The following PLAC1 variants were observed in gnomAD, a reference collection of about 807,000 sequenced individuals.
PLAC1 encodes the protein placenta-specific protein 1.
For missense variants in PLAC1, 136 were observed against 163.2 expected (o/e 0.83, Z 0.91); for synonymous variants, 68 against 62.1 (o/e 1.09, Z -0.44).
intron 2 of PLAC1, among the ~76,000 whole-genome samples, chrX:134,677,525 C>A (rs918169369): frequency 5.4e-5 from 6 of 110,893 alleles, no homozygotes; most frequent in Non-Finnish European, 7.6e-5. Flanking sequence ...CTGGAAAAAA[C>A]CATATTACCA....
At chrX:134,751,710 C>G (rs1417822081) in intron 1 of PLAC1, among the ~76,000 whole-genome samples, 1 of 111,654 alleles carries the variant, frequency 9.0e-6, no homozygotes, top group Non-Finnish European at 1.9e-5. Flanking sequence ...ATTCACTCCT[C>G]CAGGATCTTT....
chrX:134,700,403 C>T (rs1297875435), intron 2 of PLAC1, among the ~76,000 whole-genome samples: 1 of 111,712 alleles, frequency 9.0e-6, no homozygotes, highest in Non-Finnish European at 1.9e-5. Flanking sequence ...CTGTAAAATA[C>T]ATTGTATGAC....
intron 2 of PLAC1, among the ~76,000 whole-genome samples, chrX:134,706,383 A>G (rs979457941): frequency 8.9e-6 from 1 of 112,305 alleles, no homozygotes; most frequent in African/African-American, 3.2e-5. Context: ...AGGGAGCTGT[A>G]CGTCCATCTC....
intron 2 of PLAC1, among the ~76,000 whole-genome samples, chrX:134,664,541 C>T (rs1161361980): frequency 8.9e-6 from 1 of 111,807 alleles, no homozygotes; most frequent in Non-Finnish European, 1.9e-5. Flanking sequence ...TCAGAAAGTC[C>T]TTTGGGGCCT....
intron 2 of PLAC1, among the ~76,000 whole-genome samples, chrX:134,716,474 AG>A (rs1044834851): frequency 8.9e-6 from 1 of 112,954 alleles, no homozygotes; most frequent in Non-Finnish European, 1.9e-5. Context: ...GAGCCCTGTC[AG>A]GGTTGAGCTG....
intron 2 of PLAC1, chrX:134,733,403 A>G (rs1476335672): frequency 9.0e-6 from 1 of 111,595 alleles, no homozygotes; most frequent in East Asian, 2.8e-4. Flanking sequence ...ATGTACACAC[A>G]GAAATCACAG....
At chrX:134,743,683 G>A (rs2078722308) in intron 1 of PLAC1, among the ~76,000 whole-genome samples, 1 of 111,376 alleles carries the variant, frequency 9.0e-6, no homozygotes, top group South Asian at 3.8e-4. Context: ...AGCCTCCTGG[G>A]ATGTAGGGAC....
chrX:134,704,520 C>A (rs764719751), intron 2 of PLAC1, among the ~76,000 whole-genome samples: 16 of 94,032 alleles, frequency 1.7e-4, no homozygotes, highest in African/African-American at 7.7e-5. Flanking sequence ...ATAACAACAA[C>A]AAAAAAAAAT....
intron 1 of PLAC1, among the ~76,000 whole-genome samples, chrX:134,646,168 T>C (rs757082258): frequency 9.0e-6 from 1 of 111,483 alleles, no homozygotes; most frequent in South Asian, 3.8e-4. Flanking sequence ...GAGCCTGGAG[T>C]GGAGCAGTAG....
chrX:134,655,625 C>T (rs1460830958), intron 1 of PLAC1, among the ~76,000 whole-genome samples: 1 of 111,852 alleles, frequency 8.9e-6, no homozygotes, highest in African/African-American at 3.2e-5. Flanking sequence ...CCTTTAGTGT[C>T]GTTTAATCTA....
intron 1 of PLAC1, among the ~76,000 whole-genome samples, chrX:134,756,091 TCCGCCCGCCTTGG>T (rs1213948927): frequency 3.6e-5 from 4 of 109,876 alleles, no homozygotes; most frequent in Non-Finnish European, 7.6e-5. Context: ...GTCCTCGAGA[TCCGCCCGCCTTGG>T]CCTCCCAAAG....
intron 2 of PLAC1, among the ~76,000 whole-genome samples, chrX:134,568,382 T>G (rs186130100): frequency 8.9e-6 from 1 of 112,760 alleles, no homozygotes; most frequent in African/African-American, 3.2e-5. Context: ...CCCTTGATAG[T>G]GACGAATTTG....
chrX:134,750,813 ATAT>A lies in PLAC1; in HGVS notation n.89+13418_89+13420del, dbSNP rs1317192775. On this transcript the variant is annotated intron_variant and non_coding_transcript_variant, in intron 1 of 2. Coordinates refer to the PLAC1 transcript ENST00000466797. ...CTCTAATAAAAATACAAAAAAAAAA[ATAT>A]ATATATATATATATATATTTATATA... Among the ~76,000 whole-genome samples the A allele has an allele frequency of 9.1e-4, 16 of 17,570 alleles. 4 individuals are homozygous for A. Among genetic ancestry groups the A allele is most frequent in the African/African-American group, 4.4e-3 (13 of 2,967 alleles). 15.3% of individuals were successfully genotyped at this position (17,570 alleles called of 115,157 possible).
At chrX:134,664,954 T>G (rs905616603) in intron 2 of PLAC1, among the ~76,000 whole-genome samples, 2 of 111,944 alleles carry the variant, frequency 1.8e-5, no homozygotes. Context: ...CTTGTACATA[T>G]GCTAATTAAA....
intron 1 of PLAC1, among the ~76,000 whole-genome samples, chrX:134,623,052 A>T (rs1189280330): frequency 8.9e-6 from 1 of 112,402 alleles, no homozygotes; most frequent in Non-Finnish European, 1.9e-5. Flanking sequence ...ATCCTTTGTC[A>T]ACTACAAGAG....
At chrX:134,702,007 A>G (rs1036581104) in intron 2 of PLAC1, among the ~76,000 whole-genome samples, 1 of 111,945 alleles carries the variant, frequency 8.9e-6, no homozygotes, top group South Asian at 3.8e-4. Context: ...TGATGGAGTG[A>G]GACTCTATCT....
chrX:134,599,260 C>T (rs1256155709), intron 2 of PLAC1, among the ~76,000 whole-genome samples: 5 of 111,290 alleles, frequency 4.5e-5, no homozygotes, highest in African/African-American at 1.3e-4. Flanking sequence ...GTGTCACCAC[C>T]GAAATCTCAT....
chrX:134,635,465 G>A (rs1262923427), intron 1 of PLAC1, among the ~76,000 whole-genome samples: 2 of 110,484 alleles, frequency 1.8e-5, no homozygotes, highest in African/African-American at 6.6e-5. Context: ...AGCCGCCCGA[G>A]TAGTTGGGAC....
chrX:134,632,686 A>G (rs1436239275), intron 1 of PLAC1, among the ~76,000 whole-genome samples: 1 of 112,134 alleles, frequency 8.9e-6, no homozygotes, highest in Non-Finnish European at 1.9e-5. Flanking sequence ...TTAGGGATAT[A>G]TGCATCAACC....
Sources: allele counts gnomAD v4.1 joint callset (sites outside exome capture counted in the v4.1 genomes callset), GRCh38; gene constraint gnomAD v4.1.1; transcripts MANE v1.5; gene names NCBI Gene and HGNC (gene_info 2026-07-23, HGNC 2026-07-21).